Variants in SHISA9 observed in about 807,000 individuals in gnomAD.
SHISA9 encodes shisa family member 9, also known as protein shisa-9.
In SHISA9, 13 loss-of-function variants were observed where a neutral mutation model predicts 38.0. The observed-to-expected ratio is 0.34, with a 90% CI of 0.22 to 0.54. The LOEUF is 0.54. SHISA9 is among the 20% of genes least tolerant of loss of function. The pLI is 0.91. For missense variants in SHISA9, 538 were observed against 575.8 expected, an observed-to-expected ratio of 0.93 and a Z score of 0.67; for synonymous variants, 275 against 242.0, an observed-to-expected ratio of 1.14 and a Z score of -1.27.
the SHISA9 span, among the ~76,000 whole-genome samples, chr16:13,250,207 T>C: frequency 6.6e-6 from 1 of 152,216 alleles, no homozygotes; most frequent in African/African-American, 2.4e-5. Context: ...GGAATTCAAC[T>C]GGACCCAGAC....
intron 1 of SHISA9, chr16:12,909,425 G>T (rs2071150318): frequency 1.0e-6 from 1 of 985,460 alleles, no homozygotes; most frequent in African/African-American, 1.7e-5. Context: ...TCAACACATA[G>T]ATTGGACATT....
At chr16:13,121,751 G>C (rs1239444931) in intron 2 of SHISA9, among the ~76,000 whole-genome samples, 2 of 151,518 alleles carry the variant, frequency 1.3e-5, no homozygotes, top group African/African-American at 4.8e-5. Context: ...GCTTCATTTT[G>C]TCAGTTTTTG....
At chr16:13,175,815 T>C (rs1219780560) in intron 2 of SHISA9, among the ~76,000 whole-genome samples, 1 of 152,110 alleles carries the variant, frequency 6.6e-6, no homozygotes, top group Non-Finnish European at 1.5e-5. Flanking sequence ...CCCCCCACAC[T>C]TTCACGTGCT....
chr16:13,102,698 C>G lies in SHISA9; in HGVS notation c.692-100696C>G, dbSNP rs189361539. Among the ~76,000 whole-genome samples the G allele has an allele frequency of 7.9e-5, 12 of 152,326 alleles. No homozygotes were observed. In the East Asian group the frequency reaches 1.7e-3, roughly 22 times the overall value. ...CCTTCCCCACACCATCCCTGTTTCT[C>G]TGCCGCTATAATGCTTCACTGCTTC... On this transcript the variant is annotated intron_variant, in intron 2 of 4. Transcript: ENST00000558583.
chr16:13,476,908 C>G, the SHISA9 span, among the ~76,000 whole-genome samples: 45 of 152,096 alleles, frequency 3.0e-4, no homozygotes, highest in South Asian at 1.5e-3. Context: ...ACCACCACAC[C>G]CAGCTAATTT....
intron 2 of SHISA9, among the ~76,000 whole-genome samples, chr16:13,130,574 C>T (rs1405495458): frequency 6.6e-6 from 1 of 152,158 alleles, no homozygotes; most frequent in East Asian, 1.9e-4. Flanking sequence ...TAGTATATAA[C>T]ACAGGTATGA....
chr16:13,028,627 A>G (rs1041480984), intron 2 of SHISA9, among the ~76,000 whole-genome samples: 1 of 152,190 alleles, frequency 6.6e-6, no homozygotes, highest in African/African-American at 2.4e-5. Context: ...ACATTTGGGA[A>G]TTATGGGAGT....
the SHISA9 span, among the ~76,000 whole-genome samples, chr16:13,382,396 C>T: frequency 7.9e-5 from 12 of 151,704 alleles, no homozygotes; most frequent in South Asian, 6.2e-4. Context: ...GGTGTGGTGA[C>T]GCATGCCTGT....
the SHISA9 span, among the ~76,000 whole-genome samples, chr16:13,356,837 A>G: frequency 6.6e-6 from 1 of 152,148 alleles, no homozygotes; most frequent in African/African-American, 2.4e-5. Flanking sequence ...TACGACAAGA[A>G]TTATTTAGAT....
At chr16:12,938,694 G>A (rs1175459657) in intron 2 of SHISA9, among the ~76,000 whole-genome samples, 5 of 151,918 alleles carry the variant, frequency 3.3e-5, no homozygotes, top group Non-Finnish European at 5.9e-5. Context: ...GTAGAGAGGG[G>A]GTTTCACCAT....
chr16:13,223,852 A>G (rs1195018057), intron 4 of SHISA9, among the ~76,000 whole-genome samples: 1 of 152,166 alleles, frequency 6.6e-6, no homozygotes, highest in Non-Finnish European at 1.5e-5. Context: ...TTCATTGTCC[A>G]TTGCAGGCAA....
chr16:13,113,070 C>T (rs1003461062), intron 2 of SHISA9, among the ~76,000 whole-genome samples: 19 of 151,784 alleles, frequency 1.3e-4, no homozygotes, highest in Non-Finnish European at 2.5e-4. Context: ...ATTAGCCAGG[C>T]GTGGTGGTAC....
At chr16:13,129,891 T>C (rs570874327) in intron 2 of SHISA9, among the ~76,000 whole-genome samples, 1 of 152,192 alleles carries the variant, frequency 6.6e-6, no homozygotes, top group Admixed American at 6.5e-5. Flanking sequence ...CTTCCCAGAG[T>C]GAAGCTCCTC....
chr16:13,248,009 G>T, the SHISA9 span, among the ~76,000 whole-genome samples: 4 of 152,280 alleles, frequency 2.6e-5, no homozygotes, highest in East Asian at 3.9e-4. Flanking sequence ...TTTGAATTTT[G>T]CTGTCCATGT....
At chr16:13,044,852 T>G (rs1006291105) in intron 2 of SHISA9, among the ~76,000 whole-genome samples, 1 of 152,234 alleles carries the variant, frequency 6.6e-6, no homozygotes, top group African/African-American at 2.4e-5. Context: ...CTCTACTCTT[T>G]GCATGTTTAA....
chr16:13,023,881 C>T (rs2072888499), intron 2 of SHISA9, among the ~76,000 whole-genome samples: 1 of 152,126 alleles, frequency 6.6e-6, no homozygotes, highest in Admixed American at 6.6e-5. Flanking sequence ...TCATATCTTT[C>T]AGAGGGACAT....
At chr16:13,453,154 C>T in the SHISA9 span, among the ~76,000 whole-genome samples, 1 of 152,104 alleles carries the variant, frequency 6.6e-6, no homozygotes, top group Non-Finnish European at 1.5e-5. Flanking sequence ...TCCCAAAGTG[C>T]TGGGATTACA....
the SHISA9 span, among the ~76,000 whole-genome samples, chr16:13,355,303 A>T: frequency 2.0e-5 from 3 of 151,868 alleles, no homozygotes; most frequent in Admixed American, 2.0e-4. Context: ...GTGCTGTGGG[A>T]TGGGATATTG....
rs145100697 is a variant in SHISA9 at position 13,076,966 on chromosome 16, A to G, written c.692-126428A>G. ...ATGACCTTAGCTCGTAGTGTCAATGACACTTTGCCTGGGTTACAACCGGGT... is the reference window on the plus strand; with the variant it reads ...ATGACCTTAGCTCGTAGTGTCAATGGCACTTTGCCTGGGTTACAACCGGGT... On this transcript the variant is annotated intron_variant, in intron 2 of 4. Transcript: ENST00000558583. 1.4e-3 allele frequency among the ~76,000 whole-genome samples: 211 copies of G among 152,310 alleles called. 4 individuals are homozygous for G. Among genetic ancestry groups the G allele is most frequent in the Middle Eastern group, 6.8e-3 (2 of 294 alleles).
Sources: gnomAD v4.1 joint callset for allele counts (sites outside exome capture counted in the v4.1 genomes callset) on GRCh38, gnomAD v4.1.1 for gene constraint, MANE v1.5 for transcripts, NCBI Gene and HGNC (gene_info 2026-07-23, HGNC 2026-07-21) for gene names.